The following PDE4DIP variants were observed in gnomAD, a reference collection of about 807,000 sequenced individuals.
PDE4DIP encodes the protein myomegalin.
PDE4DIP carries 59 observed loss-of-function variants against 221.4 expected under a neutral mutation model. The observed-to-expected ratio is 0.27, with a 90% CI of 0.22 to 0.33. The LOEUF (loss-of-function observed/expected upper bound fraction) is 0.33, where lower values mean the gene tolerates loss of function less well. Ranked by LOEUF, PDE4DIP falls within the 10% of genes least tolerant of loss-of-function variation. The probability of loss-of-function intolerance (pLI) is 1.00; values close to 1 mark genes in which losing one functional copy is unlikely to be tolerated. For missense variants in PDE4DIP, 1,036 were observed against 2,154.2 expected (o/e 0.48, Z 10.28); for synonymous variants, 404 against 815.9 (o/e 0.50, Z 8.60).
intron 34 of PDE4DIP, chr1:149,018,198 C>T (rs1399861835): frequency 3.6e-5 from 14 of 384,082 alleles, no homozygotes; most frequent in Middle Eastern, 7.0e-4. Flanking sequence ...CCTCTACCCT[C>T]GCCTCTTTAC....
At chr1:149,015,107 A>G (rs1179818628) in intron 32 of PDE4DIP, among the ~76,000 whole-genome samples, 2 of 152,128 alleles carry the variant, frequency 1.3e-5, no homozygotes, top group Non-Finnish European at 2.9e-5. Flanking sequence ...ATGAACATCT[A>G]GTATTTTGCA....
intron 1 of PDE4DIP, among the ~76,000 whole-genome samples, chr1:148,924,407 T>A (rs1277001314): frequency 6.6e-6 from 1 of 152,184 alleles, no homozygotes; most frequent in Non-Finnish European, 1.5e-5. Context: ...TATAATTTAA[T>A]CGCTGTACAG....
chr1:149,014,927 T>C (rs2069905846), intron 32 of PDE4DIP, among the ~76,000 whole-genome samples: 1 of 152,216 alleles, frequency 6.6e-6, no homozygotes, highest in African/African-American at 2.4e-5. Context: ...TCACATGGCC[T>C]TGATTAAAAA....
intron 20 of PDE4DIP, among the ~76,000 whole-genome samples, chr1:148,980,751 C>T (rs1190426886): frequency 6.6e-6 from 1 of 152,004 alleles, no homozygotes; most frequent in Non-Finnish European, 1.5e-5. Context: ...TATGATAGGA[C>T]CAGTTGATTG....
At chr1:148,968,394 TACAGAAATAGAAA>T (rs1363661603) in intron 13 of PDE4DIP, among the ~76,000 whole-genome samples, 2 of 145,116 alleles carry the variant, frequency 1.4e-5, no homozygotes, top group Non-Finnish European at 3.0e-5. Context: ...CATCAGTTAG[TACAGAAATAGAAA>T]CCATCGCTAT....
At chr1:148,951,702 T>G (rs1574098209) in intron 5 of PDE4DIP, among the ~76,000 whole-genome samples, 1 of 152,428 alleles carries the variant, frequency 6.6e-6, no homozygotes, top group East Asian at 1.9e-4. Flanking sequence ...AAGATCTTGG[T>G]TAACCAGATT....
At position 149,017,823 on chromosome 1, in the gene PDE4DIP, A is replaced by G. The variant is rs587652174; in HGVS notation, c.5594A>G (p.Asn1865Ser). Residue 1865 changes from asparagine (N) to serine (S), a missense_variant, in exon 34 of 44, where the codon AAT (asparagine) becomes AGT (serine). Asn to Ser is a conservative substitution (Grantham distance 46). Coordinates refer to ENST00000369354, the Ensembl canonical transcript of PDE4DIP. ...CGCCTGGAGGAATCCATCTGCATCA[A>G]TGACCGCCTACGGGAGCAACTGGAA... 17 of 1,613,308 alleles carry G rather than the reference A, an allele frequency of 1.1e-5. 1 individual carries two copies. The highest frequency in any genetic ancestry group is 6.7e-5 in the East Asian group (3 of 44,626).
chr1:148,923,425 G>A lies in PDE4DIP; in HGVS notation c.142-5772G>A, dbSNP rs10910678. On this transcript the variant is annotated intron_variant, in intron 1 of 43. Transcript: ENST00000369354. ...CAAAGCTTTTACTGCACAAAGAGGTGAGAGACACTGCGAGACCTCAGATTA... is the reference window on the plus strand; with the variant it reads ...CAAAGCTTTTACTGCACAAAGAGGTAAGAGACACTGCGAGACCTCAGATTA... Among the ~76,000 whole-genome samples, 73 of 149,250 alleles carry A rather than the reference G, an allele frequency of 4.9e-4. 3 individuals are homozygous for A. In the East Asian group the frequency reaches 0.012, roughly 24 times the overall value.
At chr1:148,961,515 TG>T (rs2056927473) in intron 6 of PDE4DIP, among the ~76,000 whole-genome samples, 1 of 152,130 alleles carries the variant, frequency 6.6e-6, no homozygotes, top group African/African-American at 2.4e-5. Flanking sequence ...AGAAGCTCTT[TG>T]GTCCTTGTAT....
rs782501966 is a variant in PDE4DIP, at chr1:148,978,262, A to G, written c.2437-16A>G. The stretch of plus-strand genomic sequence containing the variant: ...TATTACTATTTTCACATCCATACTT[A>G]TTTTTTGACTTCTAGGACCTGCAAA... On this transcript the variant is annotated splice_polypyrimidine_tract_variant and intron_variant, in intron 18 of 43. Transcript: ENST00000369354. The G allele has an allele frequency of 6.3e-7, 1 of 1,577,802 alleles. No homozygotes were observed. The highest frequency in any genetic ancestry group is 1.1e-5 in the South Asian group (1 of 87,130).
intron 14 of PDE4DIP, among the ~76,000 whole-genome samples, chr1:148,969,774 T>A (rs2058851674): frequency 6.6e-6 from 1 of 151,540 alleles, no homozygotes; most frequent in Non-Finnish European, 1.5e-5. Flanking sequence ...TGGCGCAATC[T>A]TGGCTCACTG....
intron 23 of PDE4DIP, among the ~76,000 whole-genome samples, chr1:149,001,233 C>T (rs797023492): frequency 6.2e-4 from 93 of 150,960 alleles, no homozygotes; most frequent in Middle Eastern, 3.4e-3. Context: ...AAATTTGTTA[C>T]AGAAAAGGTC....
intron 1 of PDE4DIP, among the ~76,000 whole-genome samples, chr1:148,827,700 C>T (rs1483988040): frequency 1.8e-5 from 2 of 111,786 alleles, no homozygotes; most frequent in African/African-American, 6.0e-5. Flanking sequence ...TGTCTGTGTG[C>T]TTGTGTGTGT....
At chr1:148,983,172 A>G (rs1456786661) in intron 21 of PDE4DIP, 1 of 152,090 alleles carries the variant, frequency 6.6e-6, no homozygotes, top group African/African-American at 2.4e-5. Context: ...TCCATAAGTA[A>G]AGAGGAAGGT....
chr1:149,031,854 T>G, intron 43 of PDE4DIP, 90 bp from the exon 47 acceptor site: 1 of 1,280,034 alleles, frequency 7.8e-7, no homozygotes, highest in East Asian at 2.4e-5. Context: ...CTGGCTTTGG[T>G]CACCACGTAG....
chr1:149,017,143 G>GCTT (rs1172016503), intron 33 of PDE4DIP, among the ~76,000 whole-genome samples: 6 of 151,308 alleles, frequency 4.0e-5, no homozygotes, highest in Non-Finnish European at 7.4e-5. Context: ...GTTTGGCAGG[G>GCTT]GGAAGGGGGG....
At chr1:148,952,731 A>AGCCGCC (rs3839010) in intron 5 of PDE4DIP, 89 of 1,322,562 alleles carry the variant, frequency 6.7e-5, no homozygotes, top group African/African-American at 2.7e-4. Context: ...GTCACCCAGT[A>AGCCGCC]GCCGCCGCCG....
At chr1:148,861,702 G>A (rs1684254528) in intron 1 of PDE4DIP, among the ~76,000 whole-genome samples, 1 of 105,436 alleles carries the variant, frequency 9.5e-6, no homozygotes, top group Admixed American at 8.8e-5. Flanking sequence ...AGAATTCTTG[G>A]GAGCCCCCAA....
chr1:148,992,378 C>T lies in PDE4DIP; in HGVS notation c.2904+405C>T, dbSNP rs1387535231. On this transcript the variant is annotated intron_variant, in intron 22 of 43. Transcript: ENST00000369354. ...AGGGCTGCTCGGGGAGGTGGCAGGG[C>T]GGAGGACCTGCTTGGGAAGAAACTC... 2.3e-5 allele frequency: 35 copies of T among 1,496,238 alleles called. 1 individual carries two copies. Among genetic ancestry groups the T allele is most frequent in the African/African-American group, 1.5e-4 (11 of 71,702 alleles). The allele number at this position is 1,496,238 out of a possible 1,614,324, so 92.7% of individuals were successfully genotyped here. A position where few individuals can be genotyped will look rare whatever the true frequency, so the allele number is the denominator to read the frequency against.
Sources: gnomAD v4.1 joint callset for allele counts (sites outside exome capture counted in the v4.1 genomes callset) on GRCh38, gnomAD v4.1.1 for gene constraint, MANE v1.5 for transcripts, NCBI Gene and HGNC (gene_info 2026-07-23, HGNC 2026-07-21) for gene names.